DNAJC25: variants seen among roughly 807,000 people sequenced by gnomAD.
DNAJC25 encodes dnaJ homolog subfamily C member 25.
A neutral mutation model predicts 42.1 loss-of-function variants in DNAJC25; 26 were observed. The ratio of observed to expected loss-of-function variants is 0.62; its 90% CI spans 0.45 to 0.86. The LOEUF (loss-of-function observed/expected upper bound fraction) is 0.86, where lower values mean the gene tolerates loss of function less well. Among genes scored for constraint, DNAJC25 ranks in the 40% least tolerant of loss-of-function variants. The pLI is 0.00. For synonymous variants in DNAJC25, 189 were observed against 179.9 expected (o/e 1.05, Z -0.40); for missense variants, 404 against 459.4 (o/e 0.88, Z 1.10).
chr9:111,651,896 C>G (rs980824581), intron 3 of DNAJC25, among the ~76,000 whole-genome samples: 11 of 149,968 alleles, frequency 7.3e-5, no homozygotes, highest in Admixed American at 7.3e-4. Context: ...TGTGTTCTCA[C>G]AAGTTTTAAC....
intron 1 of DNAJC25, among the ~76,000 whole-genome samples, chr9:111,644,624 T>C (rs1436983754): frequency 3.3e-5 from 5 of 152,220 alleles, no homozygotes; most frequent in Admixed American, 6.5e-5. Flanking sequence ...ACAGAGACAA[T>C]GAGGCTCATA....
chr9:111,631,534 C>G lies in DNAJC25; in HGVS notation c.127C>G (p.Leu43Val). The G allele has an allele frequency of 7.3e-7, 1 of 1,366,430 alleles. No homozygotes were observed. The highest frequency in any genetic ancestry group is 1.7e-5 in the South Asian group (1 of 57,688). The allele number at this position is 1,366,430 out of a possible 1,614,324, so 84.6% of individuals were successfully genotyped here. A position where few individuals can be genotyped will look rare whatever the true frequency, so the allele number is the denominator to read the frequency against. Reference sequence around the variant, plus strand: ...GCCCGCGGGGGCCCTGGTGGAGGGGCTCTACTGCGGCACGCGGGACTGCTA... The same window carrying G: ...GCCCGCGGGGGCCCTGGTGGAGGGGGTCTACTGCGGCACGCGGGACTGCTA... The part of the protein sequence containing the change: ...VRPAGALVEG[L>V]YCGTRDCYEV... The change falls in exon 1 of 4, where the codon CTC becomes GTC. Residue 43 changes from leucine (L) to valine (V), a missense_variant. Coordinates refer to ENST00000313525, the MANE Select transcript of DNAJC25 (RefSeq NM_001015882.3).
At chr9:111,648,780 A>G (rs1367946194) in intron 2 of DNAJC25, among the ~76,000 whole-genome samples, 1 of 152,210 alleles carries the variant, frequency 6.6e-6, no homozygotes. Flanking sequence ...TATGTCTGCT[A>G]TATTCATTCA....
chr9:111,654,127 T>A lies in DNAJC25; in HGVS notation c.*905T>A, dbSNP rs1252005955. ...TCCGTTGTACATGAGAACATTTCTATGCATTTAAGCCAGAAACGAGGTACA... is the reference window on the plus strand; with the variant it reads ...TCCGTTGTACATGAGAACATTTCTAAGCATTTAAGCCAGAAACGAGGTACA... On this transcript the variant is annotated 3_prime_UTR_variant, in exon 4 of 4. Coordinates refer to ENST00000313525, the MANE Select transcript of DNAJC25 (RefSeq NM_001015882.3). The A allele has an allele frequency of 6.6e-6, 1 of 152,232 alleles. No homozygotes were observed. The highest frequency in any genetic ancestry group is 1.5e-5 in the Non-Finnish European group (1 of 68,046). 9.4% of individuals were successfully genotyped at this position (152,232 alleles called of 1,614,324 possible). A position where few individuals can be genotyped will look rare whatever the true frequency, so the allele number is the denominator to read the frequency against.
intron 1 of DNAJC25, 140 bp downstream of exon 1, chr9:111,631,883 C>T: frequency 1.4e-6 from 2 of 1,379,846 alleles, no homozygotes; most frequent in Non-Finnish European, 1.9e-6. Context: ...AAGATACTCA[C>T]GTTTCCCACG....
At chr9:111,651,263 CAAAAAAAAAAAA>C in intron 3 of DNAJC25, among the ~76,000 whole-genome samples, 1 of 104,982 alleles carries the variant, frequency 9.5e-6, no homozygotes, top group East Asian at 2.7e-4. Flanking sequence ...GACTCTATCT[CAAAAAAAAAAAA>C]AAAAAAAAAA....
intron 1 of DNAJC25, among the ~76,000 whole-genome samples, chr9:111,641,841 C>T (rs1229987157): frequency 0.017 from 1,657 of 96,410 alleles, no homozygotes; most frequent in East Asian, 0.036. Flanking sequence ...CCAGCCGCCC[C>T]GTCCGGGAGG....
chr9:111,634,756 A>T (rs527443154), intron 1 of DNAJC25, among the ~76,000 whole-genome samples: 69 of 152,220 alleles, frequency 4.5e-4, no homozygotes, highest in African/African-American at 1.6e-3. Context: ...GTGGTTAAAA[A>T]ATAAGTACAC....
At chr9:111,640,852 C>T (rs1214790919) in intron 1 of DNAJC25, among the ~76,000 whole-genome samples, 35 of 123,960 alleles carry the variant, frequency 2.8e-4, no homozygotes, top group African/African-American at 1.2e-3. Context: ...GCCAGCCCCC[C>T]GCCCGGCCAG....
At chr9:111,652,018 C>CAA (rs760506424) in intron 3 of DNAJC25, among the ~76,000 whole-genome samples, 2 of 152,068 alleles carry the variant, frequency 1.3e-5, no homozygotes, top group Non-Finnish European at 2.9e-5. Context: ...TATGTAAGGT[C>CAA]ATTTTGTTCC....
intron 1 of DNAJC25, among the ~76,000 whole-genome samples, chr9:111,633,495 G>A (rs1466003874): frequency 6.6e-6 from 1 of 152,164 alleles, no homozygotes; most frequent in Middle Eastern, 3.2e-3. Flanking sequence ...GATTTAGGGA[G>A]TTTATGGACT....
At chr9:111,649,038 C>T (rs1830608328) in intron 2 of DNAJC25, among the ~76,000 whole-genome samples, 2 of 152,050 alleles carry the variant, frequency 1.3e-5, no homozygotes, top group African/African-American at 4.8e-5. Context: ...GTTTTTTAAA[C>T]AAATTCCTCA....
chr9:111,640,936 G>A (rs1378642698), intron 1 of DNAJC25, among the ~76,000 whole-genome samples: 4 of 97,998 alleles, frequency 4.1e-5, no homozygotes, highest in Non-Finnish European at 5.5e-5. Context: ...CAGCCGTGCC[G>A]TCCGGGAGGG....
Position 111,653,082 on chromosome 9 carries a change from A to T in DNAJC25, c.961-18A>T, listed in dbSNP as rs757438092. On this transcript the variant is annotated intron_variant, in intron 3 of 3. Transcript: ENST00000313525. ...TCCTCTTTGGATTGTGAAGTCATCT[A>T]GTTATTTATACTTACAGGTCTACAA... 1.9e-6 allele frequency: 3 copies of T among 1,568,304 alleles called. No individual in the cohort carries two copies. Among genetic ancestry groups the T allele is most frequent in the Admixed American group, 1.9e-5 (1 of 53,874 alleles).
chr9:111,641,255 G>A (rs1440257553), intron 1 of DNAJC25, among the ~76,000 whole-genome samples: 1,385 of 127,998 alleles, frequency 0.011, no homozygotes, highest in Middle Eastern at 0.018. Flanking sequence ...CCGGCCAGCC[G>A]CCCCGTCTGG....
chr9:111,643,096 TA>T, intron 1 of DNAJC25: 1 of 317,376 alleles, frequency 3.2e-6, no homozygotes. Context: ...TATTGAAAGG[TA>T]AGATATTAAA....
chr9:111,644,072 A>G (rs1220309944), intron 1 of DNAJC25, among the ~76,000 whole-genome samples: 1 of 152,242 alleles, frequency 6.6e-6, no homozygotes, highest in African/African-American at 2.4e-5. Context: ...TTTAAGCCCT[A>G]GAATGGAGAT....
chr9:111,640,674 G>A (rs1457922401), intron 1 of DNAJC25, among the ~76,000 whole-genome samples: 2 of 59,328 alleles, frequency 3.4e-5, no homozygotes, highest in Admixed American at 1.6e-4. Context: ...GAGAAGTGAG[G>A]AGACCCTCTG....
At chr9:111,639,324 A>G (rs1830409957) in intron 1 of DNAJC25, among the ~76,000 whole-genome samples, 1 of 152,262 alleles carries the variant, frequency 6.6e-6, no homozygotes, top group South Asian at 2.1e-4. Context: ...AGATGCTGAT[A>G]GTATTAACTG....
Sources: allele counts gnomAD v4.1 joint callset (sites outside exome capture counted in the v4.1 genomes callset), GRCh38; gene constraint gnomAD v4.1.1; transcripts MANE v1.5; gene names NCBI Gene and HGNC (gene_info 2026-07-23, HGNC 2026-07-21).